Variants in MALRD1 observed in about 807,000 individuals in gnomAD.
MALRD1 encodes MAM and LDL-receptor class A domain-containing protein 1.
Under a neutral mutation model 242.1 loss-of-function variants are expected in MALRD1, and 247 were observed. The ratio of observed to expected loss-of-function variants is 1.02; its 90% confidence interval spans 0.92 to 1.13. The LOEUF (loss-of-function observed/expected upper bound fraction) is 1.13, where lower values mean the gene tolerates loss of function less well. Ranked by LOEUF, MALRD1 falls within the 50% of genes most tolerant of loss-of-function variation. The pLI is 0.00. For synonymous variants in MALRD1, 995 were observed against 866.6 expected (o/e 1.15, Z -2.60); for missense variants, 2,989 against 2,533.1 (o/e 1.18, Z -3.86).
chr10:19,198,121 A>G (rs2131600472), intron 14 of MALRD1, among the ~76,000 whole-genome samples: 1 of 152,230 alleles, frequency 6.6e-6, no homozygotes, highest in East Asian at 1.9e-4. Context: ...GGTAGTATAC[A>G]TAGATATTTA....
intron 38 of MALRD1, among the ~76,000 whole-genome samples, chr10:19,729,889 A>G (rs1835213930): frequency 6.6e-6 from 1 of 151,054 alleles, no homozygotes; most frequent in South Asian, 2.1e-4. Context: ...GGCGCCCGCC[A>G]CCACGCCCGG....
At chr10:19,327,502 CAT>C in intron 22 of MALRD1, 59 bp from the exon 23 acceptor site, 7 of 1,288,614 alleles carry the variant, frequency 5.4e-6, no homozygotes, top group Non-Finnish European at 7.5e-6. Flanking sequence ...AAGAATTCTA[CAT>C]GTTTGCAATT....
intron 15 of MALRD1, 76 bp downstream of exon 15, chr10:19,203,956 G>T: frequency 6.7e-7 from 1 of 1,495,090 alleles, no homozygotes; most frequent in African/African-American, 1.4e-5. Flanking sequence ...AGGAAAGCTA[G>T]TACGGTTCTG....
At chr10:19,587,715 A>G (rs907219456) in intron 33 of MALRD1, among the ~76,000 whole-genome samples, 6 of 152,214 alleles carry the variant, frequency 3.9e-5, no homozygotes, top group East Asian at 1.9e-4. Flanking sequence ...AACTGTCTGC[A>G]TAGCACAAAG....
chr10:19,175,412 A>C, intron 14 of MALRD1, 84 bp downstream of exon 14: 1 of 975,280 alleles, frequency 1.0e-6, no homozygotes, highest in Non-Finnish European at 1.3e-6. Context: ...TATTAGAGTC[A>C]CGAATACCTA....
chr10:19,488,268 C>G (rs116782684), intron 29 of MALRD1, among the ~76,000 whole-genome samples: 3,607 of 152,098 alleles, frequency 0.024, 127 homozygotes, highest in African/African-American at 0.082. Context: ...ATTATGATAA[C>G]CAAGGTTTAT....
At chr10:19,372,036 A>G (rs1011756509) in intron 26 of MALRD1, among the ~76,000 whole-genome samples, 6 of 152,224 alleles carry the variant, frequency 3.9e-5, no homozygotes, top group Admixed American at 3.9e-4. Flanking sequence ...GTGAACAATT[A>G]CATCATTGAA....
chr10:19,360,275 G>T (rs1844833062), intron 26 of MALRD1, among the ~76,000 whole-genome samples: 1 of 151,992 alleles, frequency 6.6e-6, no homozygotes, highest in African/African-American at 2.4e-5. Context: ...GAATGGCCAG[G>T]GATGAACTGG....
At chr10:19,150,783 A>G (rs1833920345) in intron 11 of MALRD1, among the ~76,000 whole-genome samples, 1 of 152,064 alleles carries the variant, frequency 6.6e-6, no homozygotes, top group African/African-American at 2.4e-5. Flanking sequence ...GTGATACTGG[A>G]TTCATGTTTG....
chr10:19,710,986 G>A (rs1305972246), intron 38 of MALRD1: 1 of 152,222 alleles, frequency 6.6e-6, no homozygotes, highest in African/African-American at 2.4e-5. Context: ...TGTTTTATTA[G>A]TAGTAAGTTA....
At chr10:19,343,738 G>A (rs1266232490) in intron 24 of MALRD1, among the ~76,000 whole-genome samples, 1 of 152,050 alleles carries the variant, frequency 6.6e-6, no homozygotes, top group Non-Finnish European at 1.5e-5. Context: ...ACCATACCCT[G>A]GTGCTATTTT....
At chr10:19,268,250 A>G (rs1229696354) in intron 19 of MALRD1, among the ~76,000 whole-genome samples, 2 of 152,164 alleles carry the variant, frequency 1.3e-5, no homozygotes, top group African/African-American at 4.8e-5. Flanking sequence ...AGAGACAGAA[A>G]AAAAAAAGCA....
At chr10:19,395,014 A>G (rs7918440) in intron 28 of MALRD1, among the ~76,000 whole-genome samples, 94,105 of 152,018 alleles carry the variant, frequency 0.62, 29,507 homozygotes, top group Non-Finnish European at 0.67. Flanking sequence ...CTTCTCCAAG[A>G]CTATCATGTG....
chr10:19,510,581 C>T (rs550924477), intron 31 of MALRD1, among the ~76,000 whole-genome samples: 1 of 152,354 alleles, frequency 6.6e-6, no homozygotes, highest in South Asian at 2.1e-4. Flanking sequence ...AGCCCTAAAT[C>T]CATTAAACCT....
chr10:19,149,952 C>A (rs750830845), intron 11 of MALRD1, among the ~76,000 whole-genome samples: 1 of 152,130 alleles, frequency 6.6e-6, no homozygotes, highest in Non-Finnish European at 1.5e-5. Flanking sequence ...CATTTTGATT[C>A]TGCCTTCTTT....
chr10:19,718,110 A>AGAAGAAGAAGAAGAGGAAGAG (rs1210572294), intron 38 of MALRD1, among the ~76,000 whole-genome samples: 1 of 27,480 alleles, frequency 3.6e-5, no homozygotes, highest in Non-Finnish European at 6.6e-5. Flanking sequence ...AGGAAGAGGA[A>AGAAGAAGAAGAAGAGGAAGAG]GAAGAAGAAG....
chr10:19,427,325 A>G (rs1833940547), intron 28 of MALRD1, among the ~76,000 whole-genome samples: 1 of 152,224 alleles, frequency 6.6e-6, no homozygotes, highest in South Asian at 2.1e-4. Context: ...GAGCATGGCT[A>G]TCATATTTTT....
At chr10:19,147,950 A>G (rs1389125283) in intron 11 of MALRD1, among the ~76,000 whole-genome samples, 2 of 152,138 alleles carry the variant, frequency 1.3e-5, no homozygotes, top group Non-Finnish European at 2.9e-5. Flanking sequence ...GACGTGTGTG[A>G]TTGGACAGGG....
chr10:19,604,301 A>T (rs1379739560), intron 34 of MALRD1, among the ~76,000 whole-genome samples: 2 of 152,182 alleles, frequency 1.3e-5, no homozygotes, highest in African/African-American at 4.8e-5. Context: ...GAAGACAAGA[A>T]TAGATTGATA....
Sources: allele counts gnomAD v4.1 joint callset (sites outside exome capture counted in the v4.1 genomes callset), GRCh38; gene constraint gnomAD v4.1.1; transcripts MANE v1.5; gene names NCBI Gene and HGNC (gene_info 2026-07-23, HGNC 2026-07-21).